CCNH: variants seen among roughly 807,000 people sequenced by gnomAD.
CCNH encodes the protein cyclin H.
CCNH carries 31 observed loss-of-function variants against 41.9 expected under a neutral mutation model. The observed-to-expected ratio is 0.74, with a 90% CI of 0.56 to 1.00. CCNH has a LOEUF of 1.00. Among genes scored for constraint, CCNH ranks in the 50% least tolerant of loss-of-function variants. The probability of loss-of-function intolerance (pLI) is 0.00; values close to 1 mark genes in which losing one functional copy is unlikely to be tolerated. For missense variants in CCNH, 362 were observed against 388.4 expected (o/e 0.93, Z 0.57); for synonymous variants, 138 against 136.1 (o/e 1.01, Z -0.10).
Position 87,407,296 on chromosome 5 carries a change from G to A in CCNH, c.525+680C>T, listed in dbSNP as rs1451084557. ...ATTGTCTAAAACCTTTAGATTGTAA[G>A]GTTCACAAAAGTTGAGACTGTTCCT... is the stretch of plus-strand genomic sequence containing the variant. On this transcript the variant is annotated intron_variant, in intron 4 of 8. Coordinates refer to ENST00000256897, the MANE Select transcript of CCNH (RefSeq NM_001239.4). Among the ~76,000 whole-genome samples, 4 of 152,206 alleles carry A rather than the reference G, an allele frequency of 2.6e-5. No individual in the cohort carries two copies. In the East Asian group the frequency reaches 7.7e-4, roughly 29 times the overall value.
intron 9 of CCNH, among the ~76,000 whole-genome samples, chr5:87,328,560 A>G (rs982315371): frequency 1.3e-5 from 2 of 152,182 alleles, no homozygotes; most frequent in African/African-American, 4.8e-5. Context: ...GGGAAATGTT[A>G]TATCTTTGTT....
chr5:87,383,613 C>A, intron 9 of CCNH: 1 of 870,494 alleles, frequency 1.1e-6, no homozygotes, highest in Non-Finnish European at 1.8e-6. Context: ...TTTATGGGTT[C>A]TATGAGTACT....
intron 1 of CCNH, chr5:87,412,321 C>T (rs1764317251): frequency 2.5e-6 from 2 of 814,602 alleles, no homozygotes; most frequent in South Asian, 3.4e-5. Context: ...TTCTGACTGC[C>T]TGGAACTTCC....
chr5:87,370,621 CTG>C (rs1491415920), intron 9 of CCNH, among the ~76,000 whole-genome samples: 12 of 152,140 alleles, frequency 7.9e-5, no homozygotes, highest in Non-Finnish European at 1.3e-4. Flanking sequence ...GATCGAGACA[CTG>C]TAAGCCAGCC....
intron 9 of CCNH, chr5:87,369,989 A>G (rs1285986721): frequency 1.8e-6 from 2 of 1,105,350 alleles, no homozygotes; most frequent in Non-Finnish European, 2.7e-6. Flanking sequence ...CGCATTCAAG[A>G]TAAAGTGACA....
At chr5:87,374,228 A>C, downstream of CCNH, 1 of 1,596,498 alleles carries the variant, frequency 6.3e-7, no homozygotes, top group South Asian at 1.1e-5. Context: ...TTACTAATCC[A>C]TATTGTAACA....
In CCNH at chr5:87,353,340, A is replaced by T. The variant is rs1759420135; in HGVS notation, c.*91-34443T>A. On this transcript the variant is annotated intron_variant and NMD_transcript_variant, in intron 9 of 9. Coordinates refer to the CCNH transcript ENST00000645953. ...GTACAATTCAAATTGGATACAACTT[A>T]AAACTACAGATTATTTAGATTTTTT... The T allele has an allele frequency of 4.5e-6, 4 of 886,974 alleles. No individual in the cohort carries two copies. The East Asian group carries it at 1.1e-4, about 23-fold the overall frequency. The allele number at this position is 886,974 out of a possible 1,614,324, so 54.9% of individuals were successfully genotyped here.
In CCNH at chr5:87,399,434, C is replaced by T. The variant is rs747656250; in HGVS notation, c.832G>A (p.Glu278Lys). ...EEVAVLKQKL[E>K]RCHSAELALN... Reference sequence around the variant, plus strand: ...GCAAGCTCAGCAGAATGACATCGCTCCAACTTCTGTTTCAGAACAGCAACT... The same window carrying T: ...GCAAGCTCAGCAGAATGACATCGCTTCAACTTCTGTTTCAGAACAGCAACT... Residue 278 changes from glutamate to lysine, a missense_variant, in exon 7 of 9, where the codon GAG becomes AAG. Physicochemically the swap from Glu to Lys is moderately conservative, Grantham distance 56 (BLOSUM62 1). Coordinates refer to ENST00000256897, the MANE Select transcript of CCNH (RefSeq NM_001239.4). 7 of 1,613,902 alleles carry T rather than the reference C, an allele frequency of 4.3e-6. No individual in the cohort carries two copies. Among genetic ancestry groups the T allele is most frequent in the African/African-American group, 1.3e-5 (1 of 75,036 alleles).
At chr5:87,368,369 T>C (rs1039363872) in intron 9 of CCNH, among the ~76,000 whole-genome samples, 2 of 152,176 alleles carry the variant, frequency 1.3e-5, no homozygotes, top group African/African-American at 4.8e-5. Context: ...ATTTTAATTA[T>C]AATTACTTGA....
At chr5:87,343,797 C>T (rs964780170) in intron 9 of CCNH, among the ~76,000 whole-genome samples, 3 of 152,066 alleles carry the variant, frequency 2.0e-5, no homozygotes, top group Admixed American at 6.6e-5. Flanking sequence ...TCACAATAGC[C>T]GAGATGTTTA....
intron 9 of CCNH, among the ~76,000 whole-genome samples, chr5:87,335,962 G>GT (rs781094862): frequency 3.8e-4 from 58 of 152,148 alleles, no homozygotes; most frequent in Non-Finnish European, 7.4e-4. Flanking sequence ...CACTCGTTGA[G>GT]TTTTTGGTGT....
At chr5:87,383,118 A>G (rs1260900419) in intron 9 of CCNH, among the ~76,000 whole-genome samples, 4 of 152,038 alleles carry the variant, frequency 2.6e-5, no homozygotes, top group African/African-American at 9.7e-5. Context: ...AAAAAGGAAA[A>G]AAGAAAACCT....
At chr5:87,379,296 G>T (rs778791456), upstream of CCNH, among the ~76,000 whole-genome samples, 13 of 152,124 alleles carry the variant, frequency 8.5e-5, no homozygotes, top group Non-Finnish European at 4.4e-5. Flanking sequence ...GGGAGTCTCT[G>T]GACTTTAGAG....
chr5:87,406,742 C>CAA (rs1385892529), intron 4 of CCNH, among the ~76,000 whole-genome samples: 5 of 152,160 alleles, frequency 3.3e-5, no homozygotes. Flanking sequence ...TCTGTATCCA[C>CAA]AACCTTCATA....
chr5:87,388,109 GTA>G (rs1762190532), downstream of CCNH, among the ~76,000 whole-genome samples: 1 of 152,110 alleles, frequency 6.6e-6, no homozygotes, highest in Non-Finnish European at 1.5e-5. Flanking sequence ...CATCCCCTGT[GTA>G]TCTGTGATAT....
At chr5:87,321,606 A>C (rs948154828) in intron 9 of CCNH, among the ~76,000 whole-genome samples, 3 of 152,270 alleles carry the variant, frequency 2.0e-5, no homozygotes, top group Admixed American at 1.3e-4. Flanking sequence ...GATACAAGTA[A>C]ACAGCCATAT....
At chr5:87,374,757 GTTTA>G, downstream of CCNH, 1 of 1,560,012 alleles carries the variant, frequency 6.4e-7, no homozygotes, top group Non-Finnish European at 8.7e-7. Flanking sequence ...GAAATAGGGG[GTTTA>G]TTTGATACTA....
upstream of CCNH, chr5:87,378,280 A>G (rs1709025423): frequency 8.9e-6 from 11 of 1,242,590 alleles, no homozygotes; most frequent in Admixed American, 1.4e-4. Flanking sequence ...GCTGCACGCA[A>G]AAAGCACATT....
At chr5:87,378,758 C>T (rs189398739), upstream of CCNH, among the ~76,000 whole-genome samples, 5 of 152,138 alleles carry the variant, frequency 3.3e-5, no homozygotes, top group Admixed American at 3.3e-4. Flanking sequence ...CAAGTTGCAC[C>T]AGAAATTCAT....
Sources: gnomAD v4.1 joint callset for allele counts (sites outside exome capture counted in the v4.1 genomes callset) on GRCh38, gnomAD v4.1.1 for gene constraint, MANE v1.5 for transcripts, NCBI Gene and HGNC (gene_info 2026-07-23, HGNC 2026-07-21) for gene names.